The following NRXN1 variants were observed in gnomAD, a reference collection of about 807,000 sequenced individuals.
The protein encoded by NRXN1 is neurexin 1.
NRXN1 carries 39 observed loss-of-function variants against 150.9 expected under a neutral mutation model. The observed-to-expected ratio is 0.26, with a 90% CI of 0.20 to 0.34. The LOEUF (loss-of-function observed/expected upper bound fraction) is 0.34. NRXN1 is among the 10% of genes least tolerant of loss of function. The pLI is 1.00. For synonymous variants in NRXN1, 924 were observed against 757.0 expected (o/e 1.22, Z -3.62); for missense variants, 1,815 against 1,949.9 (o/e 0.93, Z 1.30).
intron 10 of NRXN1, among the ~76,000 whole-genome samples, chr2:50,534,627 C>T (rs2093206343): frequency 1.3e-5 from 2 of 152,084 alleles, no homozygotes; most frequent in African/African-American, 4.8e-5. Context: ...ACAATCATGA[C>T]CCATATCTGT....
At chr2:50,748,582 C>T (rs939653274) in intron 5 of NRXN1, among the ~76,000 whole-genome samples, 1 of 151,990 alleles carries the variant, frequency 6.6e-6, no homozygotes, top group African/African-American at 2.4e-5. Context: ...CTCCCGAAAT[C>T]CCTCCAACAG....
intron 5 of NRXN1, among the ~76,000 whole-genome samples, chr2:50,750,688 A>C (rs1314104121): frequency 6.6e-6 from 1 of 152,000 alleles, no homozygotes; most frequent in Non-Finnish European, 1.5e-5. Context: ...GTCTAGCACC[A>C]CCACCAAAGT....
At chr2:50,456,599 T>C (rs1295189387) in intron 17 of NRXN1, among the ~76,000 whole-genome samples, 1 of 152,108 alleles carries the variant, frequency 6.6e-6, no homozygotes, top group Admixed American at 6.6e-5. Flanking sequence ...TTCACAGTAA[T>C]ATTTTTTTTC....
At chr2:50,367,704 T>G (rs2079692014) in intron 17 of NRXN1, among the ~76,000 whole-genome samples, 1 of 152,010 alleles carries the variant, frequency 6.6e-6, no homozygotes, top group African/African-American at 2.4e-5. Context: ...TAACTGGAGC[T>G]GAATGAGTAT....
chr2:50,978,914 A>T (rs1247488823), intron 2 of NRXN1, among the ~76,000 whole-genome samples: 2 of 152,122 alleles, frequency 1.3e-5, no homozygotes, highest in Non-Finnish European at 2.9e-5. Flanking sequence ...AATAGAGAAG[A>T]AAAAACGTAA....
intron 5 of NRXN1, among the ~76,000 whole-genome samples, chr2:50,747,741 C>A (rs1035338490): frequency 1.6e-4 from 24 of 152,174 alleles, no homozygotes; most frequent in African/African-American, 5.3e-4. Flanking sequence ...TAATATCCAT[C>A]TATGTGCTAA....
At chr2:50,288,679 A>G (rs1371559271) in intron 17 of NRXN1, among the ~76,000 whole-genome samples, 3 of 152,112 alleles carry the variant, frequency 2.0e-5, no homozygotes, top group Admixed American at 6.5e-5. Flanking sequence ...TTATAAAACC[A>G]TATTATCTCA....
At chr2:50,726,416 C>T (rs1697369873) in intron 5 of NRXN1, among the ~76,000 whole-genome samples, 1 of 152,180 alleles carries the variant, frequency 6.6e-6, no homozygotes, top group Admixed American at 6.5e-5. Context: ...GAGGCTGAGG[C>T]ACACATACCT....
intron 21 of NRXN1, among the ~76,000 whole-genome samples, chr2:49,994,951 G>T (rs539143554): frequency 6.6e-6 from 1 of 152,180 alleles, no homozygotes; most frequent in Non-Finnish European, 1.5e-5. Context: ...GCGAGAGAAT[G>T]AAATATTGAC....
intron 16 of NRXN1, among the ~76,000 whole-genome samples, chr2:50,466,846 A>G (rs946913177): frequency 2.6e-5 from 4 of 151,814 alleles, no homozygotes; most frequent in African/African-American, 9.7e-5. Context: ...ATGCAGCACC[A>G]TTCATCATGT....
intron 17 of NRXN1, among the ~76,000 whole-genome samples, chr2:50,254,588 G>A (rs2067511399): frequency 1.3e-5 from 2 of 151,886 alleles, no homozygotes; most frequent in Admixed American, 6.6e-5. Flanking sequence ...TGCTTTAGCT[G>A]CATCCCAAAG....
chr2:50,963,075 G>A (rs1693468035), intron 2 of NRXN1, among the ~76,000 whole-genome samples: 1 of 151,672 alleles, frequency 6.6e-6, no homozygotes, highest in South Asian at 2.1e-4. Flanking sequence ...AAGTACACAA[G>A]TGTTGTCTTA....
At position 50,372,592 on chromosome 2, in the gene NRXN1, G is replaced by A. The variant is rs771602245; in HGVS notation, c.3364+92850C>T. ...ACAAAAAACCTCAGATTTATAAAAT[G>A]AGTACAGCAAAGATGACTTAGAGTA... On this transcript the variant is annotated intron_variant, in intron 17 of 22. Coordinates refer to ENST00000401669, the MANE Select transcript of NRXN1 (RefSeq NM_001330078.2). 1.8e-4 allele frequency among the ~76,000 whole-genome samples: 28 copies of A among 152,084 alleles called. 1 individual carries two copies. The highest frequency in any genetic ancestry group is 3.3e-4 in the Admixed American group (5 of 15,250).
rs748617376 is a variant in NRXN1 at position 50,914,747 on chromosome 2, G to T, written c.832+7122C>A. Reference sequence around the variant, plus strand: ...AGAAAGATTTACCTTGGAGCAAAAAGGAAAAAGAAATTTAAAAATTAGTGT... The same window carrying T: ...AGAAAGATTTACCTTGGAGCAAAAATGAAAAAGAAATTTAAAAATTAGTGT... On this transcript the variant is annotated intron_variant, in intron 5 of 22. Coordinates refer to ENST00000401669, the MANE Select transcript of NRXN1 (RefSeq NM_001330078.2). Among the ~76,000 whole-genome samples the T allele has an allele frequency of 2.0e-4, 31 of 151,340 alleles. No homozygotes were observed. The Middle Eastern group carries it at 0.014, about 66-fold the overall frequency.
chr2:50,515,600 G>GGGGGGTGTGTGT (rs952552460), intron 12 of NRXN1, among the ~76,000 whole-genome samples: 14 of 143,426 alleles, frequency 9.8e-5, no homozygotes, highest in African/African-American at 3.6e-4. Flanking sequence ...AAATGCTTGG[G>GGGGGGTGTGTGT]GTGTGTGTGT....
intron 5 of NRXN1, among the ~76,000 whole-genome samples, chr2:50,724,985 G>C (rs1209763184): frequency 6.6e-6 from 1 of 152,262 alleles, no homozygotes; most frequent in East Asian, 1.9e-4. Flanking sequence ...GATTAGAATA[G>C]TGAGCAAAAA....
Position 50,053,519 on chromosome 2 carries a change from G to C in NRXN1, c.3880C>G (p.Gln1294Glu). 6.2e-7 allele frequency: 1 copy of C among 1,614,030 alleles called. No individual in the cohort carries two copies. The change falls in exon 21 of 23, where the codon CAG (glutamine) becomes GAG (glutamate). Residue 1294 changes from glutamine to glutamate, a missense_variant. Transcript: ENST00000401669. ...IGGKEQGQPF[Q>E]GQLSGLYYNG... ...TAGTACAGCCCAGAGAGCTGGCCCTGGAAGGGCTGGCCCTGCTCTTTCCCG... is the reference window on the plus strand; with the variant it reads ...TAGTACAGCCCAGAGAGCTGGCCCTCGAAGGGCTGGCCCTGCTCTTTCCCG...
chr2:50,186,828 C>T (rs555450294), intron 18 of NRXN1, among the ~76,000 whole-genome samples: 1 of 152,096 alleles, frequency 6.6e-6, no homozygotes, highest in East Asian at 1.9e-4. Flanking sequence ...TTAAGATACA[C>T]AATCTTTTAA....
At chr2:50,814,456 T>C (rs1668646114) in intron 5 of NRXN1, among the ~76,000 whole-genome samples, 1 of 152,194 alleles carries the variant, frequency 6.6e-6, no homozygotes, top group South Asian at 2.1e-4. Flanking sequence ...TTTTTTATTC[T>C]ACTGCTTACA....
Sources: gnomAD v4.1 joint callset for allele counts (sites outside exome capture counted in the v4.1 genomes callset) on GRCh38, gnomAD v4.1.1 for gene constraint, MANE v1.5 for transcripts, NCBI Gene and HGNC (gene_info 2026-07-23, HGNC 2026-07-21) for gene names.